Variants in GPR176 observed in about 807,000 individuals in gnomAD.
GPR176 encodes G protein-coupled receptor 176.
A neutral mutation model predicts 35.4 loss-of-function variants in GPR176; 26 were observed. The ratio of observed to expected loss-of-function variants is 0.74; its 90% confidence interval spans 0.54 to 1.02. The LOEUF (loss-of-function observed/expected upper bound fraction) is 1.02. Among genes scored for constraint, GPR176 ranks in the 50% least tolerant of loss-of-function variants. The pLI is 0.00. For synonymous variants in GPR176, 278 were observed against 271.3 expected (o/e 1.02, Z -0.24); for missense variants, 597 against 665.3 (o/e 0.90, Z 1.13).
chr15:39,827,403 G>A (rs1900739200), intron 1 of GPR176, among the ~76,000 whole-genome samples: 1 of 152,212 alleles, frequency 6.6e-6, no homozygotes, highest in Admixed American at 6.5e-5. Flanking sequence ...AGGAGGGGCG[G>A]CATGAGGTTG....
chr15:39,880,454 T>C (rs2032430636), intron 1 of GPR176, among the ~76,000 whole-genome samples: 1 of 140,958 alleles, frequency 7.1e-6, no homozygotes, highest in African/African-American at 2.7e-5. Context: ...TTAGGTGAAC[T>C]CATCTACTCT....
intron 1 of GPR176, among the ~76,000 whole-genome samples, chr15:39,897,978 T>TCCCCTTG (rs1444266918): frequency 2.0e-5 from 3 of 152,188 alleles, no homozygotes; most frequent in African/African-American, 4.8e-5. Flanking sequence ...ACCCTATCTG[T>TCCCCTTG]CACTGCTCCC....
chr15:39,834,712 T>C (rs969678475), intron 1 of GPR176, among the ~76,000 whole-genome samples: 1 of 152,190 alleles, frequency 6.6e-6, no homozygotes, highest in Non-Finnish European at 1.5e-5. Flanking sequence ...TCTCACTTTT[T>C]TGTGGGAGCT....
At chr15:39,894,335 C>G (rs1208248619) in intron 1 of GPR176, 1 of 122,206 alleles carries the variant, frequency 8.2e-6, no homozygotes, top group South Asian at 2.4e-4. Flanking sequence ...CCCTCCCGGA[C>G]GGGGCGGCTA....
In GPR176 at chr15:39,801,413, G is replaced by C. The variant is rs754015655; in HGVS notation, c.1267C>G (p.Pro423Ala). 26 of 1,614,100 alleles carry C rather than the reference G, an allele frequency of 1.6e-5. No individual in the cohort carries two copies. The highest frequency in any genetic ancestry group is 2.2e-5 in the Non-Finnish European group (26 of 1,180,048). ...ACAGAGTCCACTGTGCTCAGGGGTGGGGCAGAGGGCGCAAACTGTGGCCCC... is the reference window on the plus strand; with the variant it reads ...ACAGAGTCCACTGTGCTCAGGGGTGCGGCAGAGGGCGCAAACTGTGGCCCC... ...EQGPQFAPSA[P>A]PLSTVDSVSQ... Residue 423 changes from proline to alanine, a missense_variant, in exon 3 of 3, where the codon CCA (proline) becomes GCA (alanine). Transcript: ENST00000561100.
intron 1 of GPR176, among the ~76,000 whole-genome samples, chr15:39,824,717 T>C (rs1346104745): frequency 6.6e-6 from 1 of 152,206 alleles, no homozygotes; most frequent in Non-Finnish European, 1.5e-5. Context: ...GGGAAGCATA[T>C]TTCCACTAGC....
At chr15:39,888,330 G>C (rs1166633876) in intron 1 of GPR176, among the ~76,000 whole-genome samples, 1 of 152,070 alleles carries the variant, frequency 6.6e-6, no homozygotes, top group Non-Finnish European at 1.5e-5. Flanking sequence ...CTGTTGCTCA[G>C]GCTGGAGTGT....
chr15:39,910,741 T>C (rs4923844), intron 1 of GPR176, among the ~76,000 whole-genome samples: 33,010 of 151,536 alleles, frequency 0.22, 4,705 homozygotes, highest in Non-Finnish European at 0.32. Context: ...CTGCAACATT[T>C]TATTTTTATA....
intron 1 of GPR176, among the ~76,000 whole-genome samples, chr15:39,866,687 T>A (rs2031844303): frequency 6.6e-6 from 1 of 152,236 alleles, no homozygotes; most frequent in Non-Finnish European, 1.5e-5. Flanking sequence ...ATTCTTACTT[T>A]GAAAAATATT....
At chr15:39,803,902 G>A (rs1339521499) in intron 2 of GPR176, among the ~76,000 whole-genome samples, 1 of 152,208 alleles carries the variant, frequency 6.6e-6, no homozygotes, top group African/African-American at 2.4e-5. Flanking sequence ...AATCAGGGAA[G>A]GAGGGAGCAT....
intron 1 of GPR176, among the ~76,000 whole-genome samples, chr15:39,919,378 C>G (rs1395388292): frequency 6.6e-6 from 1 of 152,058 alleles, no homozygotes; most frequent in South Asian, 2.1e-4. Flanking sequence ...CGCAGTAAAA[C>G]ACGCACAAAA....
At chr15:39,915,764 A>C (rs1344303909) in intron 1 of GPR176, among the ~76,000 whole-genome samples, 1 of 152,142 alleles carries the variant, frequency 6.6e-6, no homozygotes, top group East Asian at 1.9e-4. Flanking sequence ...CTGTAATCCC[A>C]GCTACTTGGG....
chr15:39,892,033 T>G (rs1361047367), intron 1 of GPR176, among the ~76,000 whole-genome samples: 2 of 152,198 alleles, frequency 1.3e-5, no homozygotes, highest in Non-Finnish European at 2.9e-5. Flanking sequence ...ATCTATAATC[T>G]ATATCCTTCT....
intron 1 of GPR176, among the ~76,000 whole-genome samples, chr15:39,875,323 T>C (rs1015167904): frequency 6.6e-6 from 1 of 152,222 alleles, no homozygotes; most frequent in Non-Finnish European, 1.5e-5. Flanking sequence ...ATCATGACAA[T>C]ACAAATTGGA....
chr15:39,873,929 A>G (rs966347889), intron 1 of GPR176, among the ~76,000 whole-genome samples: 3 of 152,224 alleles, frequency 2.0e-5, no homozygotes, highest in Non-Finnish European at 4.4e-5. Flanking sequence ...GTTTCTGATT[A>G]AAGATTTTCA....
chr15:39,811,487 A>G (rs1899543971), intron 1 of GPR176, among the ~76,000 whole-genome samples: 1 of 152,178 alleles, frequency 6.6e-6, no homozygotes. Context: ...ATGGAATCAG[A>G]AGTGTTTCAA....
intron 1 of GPR176, among the ~76,000 whole-genome samples, chr15:39,911,300 A>G (rs1167527530): frequency 6.6e-6 from 1 of 152,144 alleles, no homozygotes; most frequent in Non-Finnish European, 1.5e-5. Context: ...ATAAATAAAC[A>G]ATTCCAAAAC....
intron 1 of GPR176, among the ~76,000 whole-genome samples, chr15:39,874,386 C>G (rs2032162586): frequency 6.6e-6 from 1 of 152,232 alleles, no homozygotes; most frequent in African/African-American, 2.4e-5. Flanking sequence ...ACCTTCTCAT[C>G]TTCTCCAAAT....
chr15:39,839,235 ATAC>A (rs1379691998), intron 1 of GPR176, among the ~76,000 whole-genome samples: 2 of 152,194 alleles, frequency 1.3e-5, no homozygotes. Flanking sequence ...ACTTCAAACT[ATAC>A]TACTAGGTTA....
Sources: gnomAD v4.1 joint callset for allele counts (sites outside exome capture counted in the v4.1 genomes callset) on GRCh38, gnomAD v4.1.1 for gene constraint, MANE v1.5 for transcripts, NCBI Gene and HGNC (gene_info 2026-07-23, HGNC 2026-07-21) for gene names.